Variants in LRRFIP1 observed in about 807,000 individuals in gnomAD.
LRRFIP1 encodes leucine-rich repeat flightless-interacting protein 1.
Under a neutral mutation model 104.4 loss-of-function variants are expected in LRRFIP1, and 62 were observed. That is an observed-to-expected ratio of 0.59 (90% CI 0.48 to 0.73). The LOEUF (loss-of-function observed/expected upper bound fraction) is 0.73, where lower values mean the gene tolerates loss of function less well. LRRFIP1 is among the 30% of genes least tolerant of loss of function. LRRFIP1 has a pLI of 0.00. For missense variants in LRRFIP1, 796 were observed against 824.5 expected (o/e 0.97, Z 0.42); for synonymous variants, 300 against 299.0 (o/e 1.00, Z -0.03).
At chr2:237,670,011 G>A (rs1656617127) in intron 1 of LRRFIP1, among the ~76,000 whole-genome samples, 1 of 152,226 alleles carries the variant, frequency 6.6e-6, no homozygotes, top group African/African-American at 2.4e-5. Context: ...AACCAGCTGG[G>A]AAGAGTCAGT....
At chr2:237,666,797 C>CTTTCTCTTTT (rs71039775) in intron 1 of LRRFIP1, among the ~76,000 whole-genome samples, 1 of 10,396 alleles carries the variant, frequency 9.6e-5, no homozygotes, top group African/African-American at 3.0e-4. Flanking sequence ...CTTTCTCTTT[C>CTTTCTCTTTT]TCTTTCTTTC....
At chr2:237,684,025 C>T (rs115320127) in intron 1 of LRRFIP1, among the ~76,000 whole-genome samples, 4 of 152,200 alleles carry the variant, frequency 2.6e-5, no homozygotes, top group African/African-American at 4.8e-5. Flanking sequence ...CAGCTAGTAG[C>T]GTAAAGATTT....
chr2:237,746,097 C>T (rs1279304419), intron 11 of LRRFIP1, among the ~76,000 whole-genome samples: 7 of 147,738 alleles, frequency 4.7e-5, no homozygotes, highest in Admixed American at 6.8e-5. Flanking sequence ...TACACTCTGT[C>T]GCCCAGGCTG....
chr2:237,654,431 G>A (rs930209018), intron 1 of LRRFIP1, among the ~76,000 whole-genome samples: 5 of 152,292 alleles, frequency 3.3e-5, no homozygotes, highest in Admixed American at 6.5e-5. Flanking sequence ...AATCAGTACA[G>A]CCATTGTAGA....
chr2:237,651,959 C>T (rs944982318), intron 1 of LRRFIP1, among the ~76,000 whole-genome samples: 6 of 152,212 alleles, frequency 3.9e-5, no homozygotes, highest in Non-Finnish European at 7.3e-5. Context: ...CTGTGCAGCT[C>T]CAGCGTCTCC....
At chr2:237,668,159 C>CTCGGTGAAA (rs2089777703) in intron 1 of LRRFIP1, among the ~76,000 whole-genome samples, 1 of 152,150 alleles carries the variant, frequency 6.6e-6, no homozygotes, top group African/African-American at 2.4e-5. Context: ...CCCTCCCCTC[C>CTCGGTGAAA]TCGGTGAAAT....
At chr2:237,748,307 A>C in intron 11 of LRRFIP1, 57 bp from the exon 12 acceptor site, 1 of 1,235,286 alleles carries the variant, frequency 8.1e-7, no homozygotes. Context: ...CCCCATCTTC[A>C]TGTTATCCAT....
intron 4 of LRRFIP1, among the ~76,000 whole-genome samples, chr2:237,719,255 A>G (rs1490328035): frequency 6.6e-6 from 1 of 152,266 alleles, no homozygotes; most frequent in Non-Finnish European, 1.5e-5. Flanking sequence ...AAAAAAATTA[A>G]GACCCAGCTT....
At chr2:237,733,885 C>T in intron 9 of LRRFIP1, 67 bp downstream of exon 9, 1 of 1,556,084 alleles carries the variant, frequency 6.4e-7, no homozygotes, top group Non-Finnish European at 8.9e-7. Context: ...CCCCACCAAG[C>T]CCAGAGCCGG....
intron 1 of LRRFIP1, among the ~76,000 whole-genome samples, chr2:237,695,830 T>C (rs1337619364): frequency 6.6e-6 from 1 of 152,170 alleles, no homozygotes; most frequent in African/African-American, 2.4e-5. Flanking sequence ...TCAGACTACC[T>C]AGATAAAATT....
At chr2:237,740,682 C>T (rs375101416) in intron 11 of LRRFIP1, among the ~76,000 whole-genome samples, 2 of 152,112 alleles carry the variant, frequency 1.3e-5, no homozygotes, top group African/African-American at 4.8e-5. Flanking sequence ...TTTCCTACCT[C>T]GCACCTGATA....
rs1286116892 is a variant in LRRFIP1, at chr2:237,663,206, G to T, written c.96+35466G>T. Among the ~76,000 whole-genome samples the T allele has an allele frequency of 1.3e-5, 2 of 152,204 alleles. 1 individual carries two copies. Among genetic ancestry groups the T allele is most frequent in the South Asian group, 4.1e-4 (2 of 4,830 alleles). On this transcript the variant is annotated intron_variant, in intron 1 of 23. Transcript: ENST00000308482. Reference sequence around the variant, plus strand: ...CTGCATCAGTTTAACTAAACTATTAGAATTTTTAGTTTAAAAGAAATGAGT... The same window carrying T: ...CTGCATCAGTTTAACTAAACTATTATAATTTTTAGTTTAAAAGAAATGAGT...
intron 23 of LRRFIP1, among the ~76,000 whole-genome samples, chr2:237,777,606 T>G (rs910580346): frequency 3.9e-5 from 6 of 152,178 alleles, no homozygotes; most frequent in African/African-American, 1.4e-4. Context: ...TTTTTTTTCT[T>G]CTCTAGTTTC....
intron 1 of LRRFIP1, among the ~76,000 whole-genome samples, chr2:237,642,460 T>C (rs867641960): frequency 2.0e-5 from 3 of 148,374 alleles, no homozygotes; most frequent in Non-Finnish European, 1.5e-5. Context: ...AGGCTCCAGG[T>C]TCCAGGCTGA....
At chr2:237,637,929 C>T (rs12052937) in intron 1 of LRRFIP1, among the ~76,000 whole-genome samples, 38,803 of 152,002 alleles carry the variant, frequency 0.26, 5,261 homozygotes, top group East Asian at 0.43. Flanking sequence ...TGACACTCAT[C>T]GTGGTTTCCA....
intron 1 of LRRFIP1, among the ~76,000 whole-genome samples, chr2:237,693,425 T>TA (rs2092951810): frequency 6.6e-6 from 1 of 152,220 alleles, no homozygotes; most frequent in South Asian, 2.1e-4. Context: ...GGTGTAGAAG[T>TA]AGAGTCTGAT....
At chr2:237,656,115 C>T (rs12463964) in intron 1 of LRRFIP1, among the ~76,000 whole-genome samples, 15,330 of 152,048 alleles carry the variant, frequency 0.1, 844 homozygotes, top group African/African-American at 0.13. Context: ...ACATATGTAA[C>T]GTAAATATAT....
chr2:237,696,400 T>C (rs2093187982), intron 1 of LRRFIP1, among the ~76,000 whole-genome samples: 1 of 152,182 alleles, frequency 6.6e-6, no homozygotes, highest in African/African-American at 2.4e-5. Flanking sequence ...GGTGGGTGCC[T>C]TAGCATGCTT....
At chr2:237,658,552 G>T (rs1479661799) in intron 1 of LRRFIP1, among the ~76,000 whole-genome samples, 1 of 152,196 alleles carries the variant, frequency 6.6e-6, no homozygotes, top group African/African-American at 2.4e-5. Context: ...GCCCAAGACT[G>T]GGTAATTTAT....
Sources: allele counts gnomAD v4.1 joint callset (sites outside exome capture counted in the v4.1 genomes callset), GRCh38; gene constraint gnomAD v4.1.1; transcripts MANE v1.5; gene names NCBI Gene and HGNC (gene_info 2026-07-23, HGNC 2026-07-21).